RYR3: variants seen among roughly 807,000 people sequenced by gnomAD.
RYR3 encodes the protein ryanodine receptor 3.
A neutral mutation model predicts 584.3 loss-of-function variants in RYR3; 207 were observed. The ratio of observed to expected loss-of-function variants is 0.35; its 90% confidence interval spans 0.32 to 0.40. RYR3 has a LOEUF of 0.40. Among genes scored for constraint, RYR3 ranks in the 10% least tolerant of loss-of-function variants. The pLI, the probability that RYR3 is intolerant of heterozygous loss-of-function variation, is 1.00. For missense variants in RYR3, 5,616 were observed against 6,089.2 expected (o/e 0.92, Z 2.59); for synonymous variants, 2,416 against 2,248.5 (o/e 1.07, Z -2.11).
chr15:33,498,610 C>G (rs932980360), intron 2 of RYR3, among the ~76,000 whole-genome samples: 1 of 152,044 alleles, frequency 6.6e-6, no homozygotes, highest in Non-Finnish European at 1.5e-5. Context: ...GAATAGTTTG[C>G]AAATATTTTC....
Position 33,633,096 on chromosome 15 carries a change from T to C in RYR3, c.3015T>C (p.Tyr1005=). The C allele has an allele frequency of 6.2e-7, 1 of 1,613,136 alleles. No individual in the cohort carries two copies. Among genetic ancestry groups the C allele is most frequent in the Non-Finnish European group, 8.5e-7 (1 of 1,179,396 alleles). The part of the protein sequence containing the change: ...AKDRIKQGWT[Y]GIQQDLKNKR... Reference sequence around the variant, plus strand: ...ACAGAATAAAACAAGGATGGACCTATGGCATCCAACAGGTAAGAAATTCTG... The same window carrying C: ...ACAGAATAAAACAAGGATGGACCTACGGCATCCAACAGGTAAGAAATTCTG... Residue 1005 remains tyrosine (Y), a synonymous_variant, in exon 24 of 104, where the codon TAT becomes TAC. Coordinates refer to ENST00000634891, the MANE Select transcript of RYR3 (RefSeq NM_001036.6).
At chr15:33,828,044 C>A (rs1420929263) in intron 85 of RYR3, among the ~76,000 whole-genome samples, 1 of 152,220 alleles carries the variant, frequency 6.6e-6, no homozygotes, top group African/African-American at 2.4e-5. Flanking sequence ...AGCATTTACT[C>A]ACTTGGTGTC....
chr15:33,379,889 C>T (rs987254779), intron 1 of RYR3, among the ~76,000 whole-genome samples: 1 of 151,958 alleles, frequency 6.6e-6, no homozygotes, highest in Admixed American at 6.5e-5. Context: ...CCCTGGCAAG[C>T]CCCCGGTGCA....
rs188061103 is a variant in RYR3 at position 33,653,922 on chromosome 15, A to G, written c.4308+1039A>G. ...GAAATATTTGAGAAATACTTCAGAA[A>G]GAAACCTATGTAACCAAGCAGTTCT... On this transcript the variant is annotated intron_variant, in intron 32 of 103. Transcript: ENST00000634891. 5.9e-5 allele frequency among the ~76,000 whole-genome samples: 9 copies of G among 152,346 alleles called. No homozygotes were observed. In the East Asian group the frequency reaches 1.7e-3, roughly 29 times the overall value.
At chr15:33,319,745 A>G (rs995211053) in intron 1 of RYR3, among the ~76,000 whole-genome samples, 2 of 152,060 alleles carry the variant, frequency 1.3e-5, no homozygotes, top group African/African-American at 4.8e-5. Context: ...TCCTGAAGAA[A>G]CTCCACATTT....
Position 33,818,654 on chromosome 15 carries a change from A to C in RYR3, c.10676A>C (p.Tyr3559Ser), listed in dbSNP as rs750462398. The change falls in exon 76 of 104, where the codon TAT becomes TCT. Residue 3559 changes from tyrosine to serine, a missense_variant. Physicochemically the swap from Tyr to Ser is moderately radical, Grantham distance 144. Around this residue, in one of 9 missense-constraint regions of RYR3, gnomAD observed 954 missense variants for 1,132.2 expected, o/e 0.84. Coordinates refer to ENST00000634891, the MANE Select transcript of RYR3 (RefSeq NM_001036.6). Reference sequence around the variant, plus strand: ...GACCCACTACATCAGATCATTCTCTATTTTAGCCGCAACGCTCTCACGGAG... The same window carrying C: ...GACCCACTACATCAGATCATTCTCTCTTTTAGCCGCAACGCTCTCACGGAG... ...QPDPLHQIIL[Y>S]FSRNALTERS... 6.2e-7 allele frequency: 1 copy of C among 1,613,786 alleles called. No individual in the cohort carries two copies.
intron 2 of RYR3, among the ~76,000 whole-genome samples, chr15:33,477,522 A>C (rs1192240088): frequency 6.7e-6 from 1 of 148,686 alleles, no homozygotes; most frequent in Non-Finnish European, 1.5e-5. Flanking sequence ...ACTATTATTC[A>C]GCTCCCTTTC....
At chr15:33,532,426 A>G (rs2054962771) in intron 4 of RYR3, among the ~76,000 whole-genome samples, 1 of 152,148 alleles carries the variant, frequency 6.6e-6, no homozygotes, top group Non-Finnish European at 1.5e-5. Flanking sequence ...GTCCCTCCAC[A>G]CTATCCAAAA....
chr15:33,312,385 G>A (rs917708122), intron 1 of RYR3, among the ~76,000 whole-genome samples: 1 of 148,996 alleles, frequency 6.7e-6, no homozygotes, highest in Non-Finnish European at 1.5e-5. Context: ...TTTGGGGGGG[G>A]TATGGAAGTA....
intron 1 of RYR3, among the ~76,000 whole-genome samples, chr15:33,343,049 G>A (rs1972024650): frequency 6.6e-6 from 1 of 152,142 alleles, no homozygotes. Context: ...TTTGATAGTG[G>A]AAATGAGAAA....
chr15:33,750,101 C>T, intron 56 of RYR3, 47 bp downstream of exon 56: 1 of 1,607,398 alleles, frequency 6.2e-7, no homozygotes, highest in South Asian at 1.1e-5. Context: ...ACCGGGGCAG[C>T]TATGGTCTCC....
At chr15:33,680,104 CT>C (rs1490644588) in intron 38 of RYR3, among the ~76,000 whole-genome samples, 1 of 152,114 alleles carries the variant, frequency 6.6e-6, no homozygotes, top group African/African-American at 2.4e-5. Context: ...ATTTCAGTTT[CT>C]CTATATGAAA....
In RYR3 at chr15:33,477,843, C is replaced by G. The variant is rs551809229; in HGVS notation, c.171+4305C>G. Among the ~76,000 whole-genome samples the G allele has an allele frequency of 1.3e-3, 154 of 119,702 alleles. 34 individuals carry two copies. The highest frequency in any genetic ancestry group is 6.3e-3 in the African/African-American group (145 of 22,960). The allele number at this position is 119,702 out of a possible 152,430, so 78.5% of individuals were successfully genotyped here. ...TGAGCGGAGATGGCGCCACTGCACT[C>G]CAGCCTGGGCGACAGAGCGAGATTC... On this transcript the variant is annotated intron_variant, in intron 2 of 103. Coordinates refer to ENST00000634891, the MANE Select transcript of RYR3 (RefSeq NM_001036.6).
intron 3 of RYR3, among the ~76,000 whole-genome samples, chr15:33,519,786 A>C (rs2053829322): frequency 6.6e-6 from 1 of 152,134 alleles, no homozygotes; most frequent in South Asian, 2.1e-4. Flanking sequence ...ACAGGTGCTA[A>C]GTATTAGGAG....
chr15:33,675,903 A>G (rs1396048990), intron 38 of RYR3, among the ~76,000 whole-genome samples: 2 of 152,154 alleles, frequency 1.3e-5, no homozygotes, highest in Admixed American at 1.3e-4. Flanking sequence ...AGGAGCATCC[A>G]TTAGGATTTC....
At chr15:33,373,853 A>G (rs1381878166) in intron 1 of RYR3, among the ~76,000 whole-genome samples, 2 of 152,230 alleles carry the variant, frequency 1.3e-5, no homozygotes, top group African/African-American at 4.8e-5. Flanking sequence ...ATAAAAGTAT[A>G]GGATAGATAA....
At chr15:33,577,932 A>T (rs1453465566) in intron 12 of RYR3, among the ~76,000 whole-genome samples, 2 of 152,190 alleles carry the variant, frequency 1.3e-5, no homozygotes, top group African/African-American at 4.8e-5. Flanking sequence ...AGAAAAACTC[A>T]TTAAAAAGTG....
chr15:33,637,941 A>G (rs1450756318), intron 27 of RYR3, among the ~76,000 whole-genome samples: 1 of 152,042 alleles, frequency 6.6e-6, no homozygotes, highest in Non-Finnish European at 1.5e-5. Context: ...TCCTAATGCT[A>G]TCCCTCCCCG....
At chr15:33,779,081 C>G (rs1436860612) in intron 64 of RYR3, among the ~76,000 whole-genome samples, 4 of 152,154 alleles carry the variant, frequency 2.6e-5, no homozygotes, top group African/African-American at 9.7e-5. Flanking sequence ...ACCCACCCTT[C>G]CCTCCTCCTT....
Sources: allele counts gnomAD v4.1 joint callset (sites outside exome capture counted in the v4.1 genomes callset), GRCh38; gene constraint gnomAD v4.1.1; regional missense constraint gnomAD v4.1.1; transcripts MANE v1.5; gene names NCBI Gene and HGNC (gene_info 2026-07-23, HGNC 2026-07-21).